The following ASXL1 variants were observed in gnomAD, a reference collection of about 807,000 sequenced individuals.
ASXL1 encodes ASXL transcriptional regulator 1.
A neutral mutation model predicts 89.1 loss-of-function variants in ASXL1; 65 were observed. The ratio of observed to expected loss-of-function variants is 0.73; its 90% CI spans 0.60 to 0.90. The LOEUF (loss-of-function observed/expected upper bound fraction) is 0.90, where lower values mean the gene tolerates loss of function less well. Ranked by LOEUF, ASXL1 falls within the 40% of genes least tolerant of loss-of-function variation. ASXL1 has a pLI of 0.00. For synonymous variants in ASXL1, 739 were observed against 746.9 expected (o/e 0.99, Z 0.17); for missense variants, 1,786 against 1,942.9 (o/e 0.92, Z 1.52).
At chr20:32,426,551 TTTC>T (rs1438031282) in intron 4 of ASXL1, among the ~76,000 whole-genome samples, 5 of 108,998 alleles carry the variant, frequency 4.6e-5, no homozygotes, top group African/African-American at 1.2e-4. Flanking sequence ...CTTTTTTTTC[TTTC>T]TTTTTTTTTT....
intron 4 of ASXL1, among the ~76,000 whole-genome samples, chr20:32,417,361 T>C (rs749317619): frequency 1.7e-4 from 26 of 152,216 alleles, no homozygotes; most frequent in South Asian, 4.1e-4. Context: ...TAGAAACTCC[T>C]TTCTTATTAT....
At position 32,433,630 on chromosome 20, in the gene ASXL1, G is replaced by A. The variant is rs2123262855; in HGVS notation, c.1432G>A (p.Gly478Ser). The A allele has an allele frequency of 6.2e-7, 1 of 1,612,930 alleles. No individual in the cohort carries two copies. ...GTSSAAPDLE[G>S]PEFPVESVAS... is the part of the protein sequence containing the mutation. ...ATCCTCTGCAGCACCCGACCTGGAGGGTCCCGAATTCCCAGTTGAGTCTGT... is the reference window on the plus strand; with the variant it reads ...ATCCTCTGCAGCACCCGACCTGGAGAGTCCCGAATTCCCAGTTGAGTCTGT... Residue 478 changes from glycine (G) to serine (S), a missense_variant, in exon 12 of 13, where the codon GGT becomes AGT. Coordinates refer to ENST00000375687, the MANE Select transcript of ASXL1 (RefSeq NM_015338.6).
rs765155567 is a variant in ASXL1, at chr20:32,435,423, A to G, written c.2711A>G (p.Asn904Ser). Residue 904 changes from asparagine to serine, a missense_variant, in exon 13 of 13, where the codon AAT becomes AGT. Physicochemically the swap from Asn to Ser is conservative, Grantham distance 46. This residue lies in a region of ASXL1 where 1,418 missense variants were observed against 1,427.8 expected (regional missense o/e 0.99). Coordinates refer to ENST00000375687, the MANE Select transcript of ASXL1 (RefSeq NM_015338.6). ...TTGCATTGGATACCCATCCCATCGA[A>G]TGATGAGGTAGTGAAACAGCCCAAA... ...SSLHWIPIPS[N>S]DEVVKQPKPE... 1 of 1,614,156 alleles carries G rather than the reference A, an allele frequency of 6.2e-7. No individual in the cohort carries two copies. Among genetic ancestry groups the G allele is most frequent in the Admixed American group, 1.7e-5 (1 of 60,024 alleles).
rs764294559 is a variant in ASXL1 at position 32,435,300 on chromosome 20, A to G, written c.2588A>G (p.Asp863Gly). The G allele has an allele frequency of 1.1e-5, 18 of 1,614,050 alleles. No homozygotes were observed. The African/African-American group carries it at 1.7e-4, about 16-fold the overall frequency. ...PTDCLQNRAF[D>G]DELGLGGSCP... ...GATTGCCTGCAGAACAGAGCATTTG[A>G]TGACGAATTAGGGCTTGGTGGCTCA... The change falls in exon 13 of 13, where the codon GAT (aspartate) becomes GGT (glycine). Residue 863 changes from aspartate (D) to glycine (G), a missense_variant. Coordinates refer to ENST00000375687, the MANE Select transcript of ASXL1 (RefSeq NM_015338.6).
chr20:32,404,417 G>A (rs1219233116), intron 4 of ASXL1, among the ~76,000 whole-genome samples: 1 of 152,080 alleles, frequency 6.6e-6, no homozygotes, highest in African/African-American at 2.4e-5. Context: ...AAATGAAATT[G>A]TGCTTTTAAT....
At chr20:32,406,904 A>C (rs1378815700) in intron 4 of ASXL1, among the ~76,000 whole-genome samples, 2 of 152,034 alleles carry the variant, frequency 1.3e-5, no homozygotes, top group Non-Finnish European at 1.5e-5. Flanking sequence ...ACTCTTGTCT[A>C]CCTAGCCTCA....
chr20:32,373,842 T>TG (rs1169080808), intron 4 of ASXL1, among the ~76,000 whole-genome samples: 2 of 152,042 alleles, frequency 1.3e-5, no homozygotes, highest in Non-Finnish European at 2.9e-5. Flanking sequence ...CACTCTAGCC[T>TG]GGGTGACAGA....
At chr20:32,416,359 G>A (rs1167509973) in intron 4 of ASXL1, among the ~76,000 whole-genome samples, 2 of 152,086 alleles carry the variant, frequency 1.3e-5, no homozygotes, top group African/African-American at 4.8e-5. Flanking sequence ...AGAGAAAGTG[G>A]AAAATGCCCT....
chr20:32,367,818 T>C (rs1381917943), intron 3 of ASXL1, 89 bp downstream of exon 3: 22 of 775,592 alleles, frequency 2.8e-5, no homozygotes, highest in Admixed American at 2.4e-4. Flanking sequence ...GCAGTCATGA[T>C]GGCTCATGAT....
At chr20:32,368,145 A>G (rs2048237516) in intron 3 of ASXL1, among the ~76,000 whole-genome samples, 2 of 152,164 alleles carry the variant, frequency 1.3e-5, no homozygotes, top group Admixed American at 6.6e-5. Context: ...ATATTTTTTA[A>G]CATGCTGGGG....
chr20:32,370,100 A>G (rs1456917379), intron 4 of ASXL1, among the ~76,000 whole-genome samples: 1 of 152,200 alleles, frequency 6.6e-6, no homozygotes, highest in Non-Finnish European at 1.5e-5. Context: ...GACCTACTCT[A>G]TGGAAAATAA....
intron 1 of ASXL1, among the ~76,000 whole-genome samples, chr20:32,362,693 A>G (rs537562529): frequency 1.3e-5 from 2 of 152,336 alleles, no homozygotes; most frequent in South Asian, 2.1e-4. Flanking sequence ...AGAGGAAAGA[A>G]GATTCTTAAG....
chr20:32,390,201 T>TA (rs977494996), intron 4 of ASXL1, among the ~76,000 whole-genome samples: 1 of 152,226 alleles, frequency 6.6e-6, no homozygotes, highest in Non-Finnish European at 1.5e-5. Flanking sequence ...CTATTTGTAA[T>TA]AAAGTGTTGA....
At chr20:32,387,900 C>T (rs1164478965) in intron 4 of ASXL1, among the ~76,000 whole-genome samples, 1 of 152,174 alleles carries the variant, frequency 6.6e-6, no homozygotes, top group Non-Finnish European at 1.5e-5. Context: ...CTTGTGTTGG[C>T]TGTATAAATT....
At chr20:32,395,915 C>T (rs2048754087) in intron 4 of ASXL1, among the ~76,000 whole-genome samples, 1 of 152,124 alleles carries the variant, frequency 6.6e-6, no homozygotes, top group Admixed American at 6.6e-5. Context: ...TATCCTGCCT[C>T]AGCCTCCCAA....
At position 32,433,528 on chromosome 20, in the gene ASXL1, T is replaced by C. The variant is rs750204108; in HGVS notation, c.1330T>C (p.Ser444Pro). The C allele has an allele frequency of 3.1e-6, 5 of 1,614,088 alleles. No homozygotes were observed. The East Asian group carries it at 6.7e-5, about 22-fold the overall frequency. The change falls in exon 12 of 13, where the codon TCA (serine) becomes CCA (proline). Residue 444 changes from serine to proline, a missense_variant. By Grantham distance (74) the Ser-to-Pro change is moderately conservative. Transcript: ENST00000375687. ...TGCTAAGGATGCAAAATCTGTGGCC[T>C]CAGATGTTCCCCTCTACAAGGATGG... ...GVAKDAKSVA[S>P]DVPLYKDGEA...
At position 32,359,661 on chromosome 20, in the gene ASXL1, A is replaced by T; in HGVS notation, c.57+829A>T. ...AAAGAATGTATGTTGGACAAAGACA[A>T]AGTATCTCTGTTGGGAGACGTTGTT... is the stretch of plus-strand genomic sequence containing the variant. On this transcript the variant is annotated intron_variant, in intron 1 of 12. Coordinates refer to ENST00000375687, the MANE Select transcript of ASXL1 (RefSeq NM_015338.6). 5.6e-6 allele frequency: 4 copies of T among 717,366 alleles called. No individual in the cohort carries two copies. In the East Asian group the frequency reaches 1.1e-4, roughly 19 times the overall value. 44.4% of individuals were successfully genotyped at this position (717,366 alleles called of 1,614,324 possible).
chr20:32,366,925 A>T (rs1836595439), intron 2 of ASXL1, among the ~76,000 whole-genome samples: 1 of 152,272 alleles, frequency 6.6e-6, no homozygotes, highest in Admixed American at 6.5e-5. Flanking sequence ...GTCATATATG[A>T]TGTGAATTTA....
intron 4 of ASXL1, among the ~76,000 whole-genome samples, chr20:32,399,636 G>C (rs962574711): frequency 3.9e-4 from 56 of 144,142 alleles, no homozygotes; most frequent in African/African-American, 1.4e-3. Flanking sequence ...GTTTTAACCT[G>C]TGTTTTATTT....
Sources: gnomAD v4.1 joint callset for allele counts (sites outside exome capture counted in the v4.1 genomes callset) on GRCh38, gnomAD v4.1.1 for gene constraint, gnomAD v4.1.1 regional missense constraint, MANE v1.5 for transcripts, NCBI Gene and HGNC (gene_info 2026-07-23, HGNC 2026-07-21) for gene names.